The following IGF1R variants were observed in gnomAD, a reference collection of about 807,000 sequenced individuals.
The protein encoded by IGF1R is insulin-like growth factor 1 receptor.
A neutral mutation model predicts 144.6 loss-of-function variants in IGF1R; 44 were observed. The ratio of observed to expected loss-of-function variants is 0.30; its 90% CI spans 0.24 to 0.39. The LOEUF (loss-of-function observed/expected upper bound fraction) is 0.39, where lower values mean the gene tolerates loss of function less well. Among genes scored for constraint, IGF1R ranks in the 10% least tolerant of loss-of-function variants. The probability of loss-of-function intolerance (pLI) is 1.00; values close to 1 mark genes in which losing one functional copy is unlikely to be tolerated. For missense variants in IGF1R, 1,355 were observed against 1,833.7 expected, an observed-to-expected ratio of 0.74 and a Z score of 4.77; for synonymous variants, 795 against 722.8, an observed-to-expected ratio of 1.10 and a Z score of -1.60.
intron 2 of IGF1R, among the ~76,000 whole-genome samples, chr15:98,817,114 C>T (rs1193298587): frequency 6.6e-6 from 1 of 151,974 alleles, no homozygotes; most frequent in Admixed American, 6.6e-5. Context: ...AACAGCCTGG[C>T]CAACATGGTG....
intron 2 of IGF1R, among the ~76,000 whole-genome samples, chr15:98,755,453 A>C (rs2055125205): frequency 6.6e-6 from 1 of 152,076 alleles, no homozygotes; most frequent in Non-Finnish European, 1.5e-5. Flanking sequence ...AGAAAAGTGT[A>C]TTGCTGGCTG....
chr15:98,668,924 C>A (rs551615788), intron 1 of IGF1R, among the ~76,000 whole-genome samples: 1 of 152,236 alleles, frequency 6.6e-6, no homozygotes, highest in Non-Finnish European at 1.5e-5. Flanking sequence ...CCTCTCCCAG[C>A]AAATCCAGGA....
rs2017228045 is a variant in IGF1R at position 98,961,561 on chromosome 15, T to A, written c.*4119T>A. 1 of 233,762 alleles carries A rather than the reference T, an allele frequency of 4.3e-6. No individual in the cohort carries two copies. Among genetic ancestry groups the A allele is most frequent in the South Asian group, 1.8e-4 (1 of 5,528 alleles). The allele number at this position is 233,762 out of a possible 1,614,324, so 14.5% of individuals were successfully genotyped here. A position where few individuals can be genotyped will look rare whatever the true frequency, so the allele number is the denominator to read the frequency against. ...TTTTCTCTGTGTGTTCCAAATAATC[T>A]TAAGCTGAGTTGTGGCATTTTCCAT... On this transcript the variant is annotated 3_prime_UTR_variant, in exon 21 of 21. Coordinates refer to ENST00000650285, the MANE Select transcript of IGF1R (RefSeq NM_000875.5).
intron 1 of IGF1R, chr15:98,650,925 C>G (rs2052347119): frequency 4.1e-6 from 4 of 984,282 alleles, no homozygotes; most frequent in Admixed American, 6.2e-5. Context: ...AGCGAGAACT[C>G]CCCCCGGTGT....
chr15:98,912,969 T>G, intron 7 of IGF1R, 75 bp from the exon 8 acceptor site: 1 of 921,770 alleles, frequency 1.1e-6, no homozygotes, highest in Non-Finnish European at 1.8e-6. Flanking sequence ...TGTGACATGC[T>G]GGGCCTCTGG....
In IGF1R at chr15:98,649,515, C is replaced by G; in HGVS notation, c.-67C>G. ...TTGTTTCCTTTCATTTCCTTTTTTT[C>G]TTTTCTTTTCTTTTTTTTTTTTTTT... On this transcript the variant is annotated 5_prime_UTR_variant, in exon 1 of 21. Transcript: ENST00000650285. 11 of 956,684 alleles carry G rather than the reference C, an allele frequency of 1.1e-5. No homozygotes were observed. Among genetic ancestry groups the G allele is most frequent in the South Asian group, 1.5e-5 (1 of 65,732 alleles). The allele number at this position is 956,684 out of a possible 1,614,324, so 59.3% of individuals were successfully genotyped here.
chr15:98,914,774 C>G (rs184144019), intron 8 of IGF1R, among the ~76,000 whole-genome samples: 1 of 152,194 alleles, frequency 6.6e-6, no homozygotes, highest in East Asian at 1.9e-4. Flanking sequence ...TCTGTCCTTA[C>G]ACGCAGCGGA....
chr15:98,656,832 T>TC (rs1320309776), intron 1 of IGF1R, among the ~76,000 whole-genome samples: 2 of 152,248 alleles, frequency 1.3e-5, no homozygotes. Context: ...TCTGCGAGTT[T>TC]GAAATACATT....
Position 98,963,379 on chromosome 15 carries a change from C to T in IGF1R, c.*5937C>T, listed in dbSNP as rs1213664138. ...GATGATTTAAAAAGTAGTTCTGTATCTTCAGTATCTTGGTCTTCCAGAACC... is the reference window on the plus strand; with the variant it reads ...GATGATTTAAAAAGTAGTTCTGTATTTTCAGTATCTTGGTCTTCCAGAACC... On this transcript the variant is annotated 3_prime_UTR_variant, in exon 21 of 21. Coordinates refer to ENST00000650285, the MANE Select transcript of IGF1R (RefSeq NM_000875.5). The T allele has an allele frequency of 1.7e-5, 4 of 233,286 alleles. No homozygotes were observed. Among genetic ancestry groups the T allele is most frequent in the South Asian group, 1.8e-4 (1 of 5,530 alleles). 14.5% of individuals were successfully genotyped at this position (233,286 alleles called of 1,614,324 possible). A position where few individuals can be genotyped will look rare whatever the true frequency, so the allele number is the denominator to read the frequency against.
At chr15:98,889,863 C>A (rs557736704) in intron 2 of IGF1R, among the ~76,000 whole-genome samples, 1 of 152,154 alleles carries the variant, frequency 6.6e-6, no homozygotes, top group South Asian at 2.1e-4. Context: ...CAAAAAGATA[C>A]ACATTTAAAT....
intron 5 of IGF1R, chr15:98,900,669 T>A (rs1429698648): frequency 1.3e-5 from 2 of 152,352 alleles, no homozygotes; most frequent in Admixed American, 1.3e-4. Context: ...CTTAAAAAAC[T>A]TCTTTCTCAT....
chr15:98,959,885 G>A lies in IGF1R; in HGVS notation c.*2443G>A, dbSNP rs1184380821. ...AAAAAAAAAGGTATTATATGTAGGA[G>A]TTTTCTTTTAATTTATTTTGTGATA... On this transcript the variant is annotated 3_prime_UTR_variant, in exon 21 of 21. Transcript: ENST00000650285. 4.3e-6 allele frequency: 1 copy of A among 231,884 alleles called. No homozygotes were observed. Among genetic ancestry groups the A allele is most frequent in the African/African-American group, 2.2e-5 (1 of 45,010 alleles). 14.4% of individuals were successfully genotyped at this position (231,884 alleles called of 1,614,324 possible).
chr15:98,751,328 T>G (rs1441053405), intron 2 of IGF1R, among the ~76,000 whole-genome samples: 1 of 152,082 alleles, frequency 6.6e-6, no homozygotes, highest in Admixed American at 6.6e-5. Flanking sequence ...ACCTTCTGAT[T>G]AACTAGGATT....
Position 98,896,790 on chromosome 15 carries a change from G to T in IGF1R, c.987G>T (p.Pro329=), listed in dbSNP as rs370254377. The T allele has an allele frequency of 1.9e-6, 3 of 1,613,784 alleles. No homozygotes were observed. Among genetic ancestry groups the T allele is most frequent in the East Asian group, 4.5e-5 (2 of 44,870 alleles). ...GCATCCCTTGTGAAGGTCCTTGCCCGAAGGTCTGTGAGGAAGAAAAGAAAA... is the reference window on the plus strand; with the variant it reads ...GCATCCCTTGTGAAGGTCCTTGCCCTAAGGTCTGTGAGGAAGAAAAGAAAA... ...MYCIPCEGPC[P]KVCEEEKKTK... is the part of the protein sequence containing the mutation. The change falls in exon 4 of 21, where the codon CCG becomes CCT. Residue 329 remains proline (P), a synonymous_variant. Coordinates refer to ENST00000650285, the MANE Select transcript of IGF1R (RefSeq NM_000875.5).
At position 98,943,179 on chromosome 15, in the gene IGF1R, T is replaced by G. The variant is rs2016429195; in HGVS notation, c.3587+127T>G. The stretch of plus-strand genomic sequence containing the variant: ...CGTTGCCAGCTTTAGCTCAGTGTTG[T>G]GTGAGCCACACTTCTTCATCATTGA... On this transcript the variant is annotated intron_variant, in intron 19 of 20. Coordinates refer to ENST00000650285, the MANE Select transcript of IGF1R (RefSeq NM_000875.5). 2 of 1,054,674 alleles carry G rather than the reference T, an allele frequency of 1.9e-6. 1 individual carries two copies. The highest frequency in any genetic ancestry group is 2.9e-6 in the Non-Finnish European group (2 of 686,590). The allele number at this position is 1,054,674 out of a possible 1,614,324, so 65.3% of individuals were successfully genotyped here. A position where few individuals can be genotyped will look rare whatever the true frequency, so the allele number is the denominator to read the frequency against.
intron 2 of IGF1R, among the ~76,000 whole-genome samples, chr15:98,837,071 G>A (rs561650481): frequency 1.8e-4 from 27 of 152,242 alleles, no homozygotes; most frequent in African/African-American, 2.6e-4. Context: ...CAGATGTCTC[G>A]TTTCTCTTTT....
At chr15:98,953,019 C>T (rs8034284) in intron 20 of IGF1R, 80,137 of 152,038 alleles carry the variant, frequency 0.53, 21,671 homozygotes, top group African/African-American at 0.66. Context: ...AGTTCTGTTG[C>T]TACAAGACAT....
chr15:98,876,781 G>A (rs1016455441), intron 2 of IGF1R, among the ~76,000 whole-genome samples: 1 of 152,178 alleles, frequency 6.6e-6, no homozygotes, highest in Non-Finnish European at 1.5e-5. Flanking sequence ...TGGTTCTCAT[G>A]AGGCTTATGT....
intron 2 of IGF1R, among the ~76,000 whole-genome samples, chr15:98,778,427 C>T (rs774058363): frequency 3.6e-4 from 55 of 152,288 alleles, no homozygotes; most frequent in Middle Eastern, 3.4e-3. Flanking sequence ...TTTTGCCTAT[C>T]CTTCCACTTC....
Sources: gnomAD v4.1 joint callset for allele counts (sites outside exome capture counted in the v4.1 genomes callset) on GRCh38, gnomAD v4.1.1 for gene constraint, MANE v1.5 for transcripts, NCBI Gene and HGNC (gene_info 2026-07-23, HGNC 2026-07-21) for gene names.